FANCC: variants seen among roughly 807,000 people sequenced by gnomAD.
FANCC encodes Fanconi anemia group C protein.
Under a neutral mutation model 71.3 loss-of-function variants are expected in FANCC, and 55 were observed. The ratio of observed to expected loss-of-function variants is 0.77; its 90% CI spans 0.62 to 0.97. The LOEUF (loss-of-function observed/expected upper bound fraction) is 0.97. FANCC is among the 50% of genes least tolerant of loss of function. The pLI is 0.00. For synonymous variants in FANCC, 275 were observed against 244.9 expected, an observed-to-expected ratio of 1.12 and a Z score of -1.15; for missense variants, 678 against 670.9, an observed-to-expected ratio of 1.01 and a Z score of -0.12.
chr9:95,121,288 G>A (rs1325208220), intron 10 of FANCC, among the ~76,000 whole-genome samples: 1 of 152,132 alleles, frequency 6.6e-6, no homozygotes. Context: ...GTCTGATAGG[G>A]CATATTGATG....
At chr9:95,271,954 T>TTTTTG (rs1832759329) in intron 1 of FANCC, among the ~76,000 whole-genome samples, 1 of 136,198 alleles carries the variant, frequency 7.3e-6, no homozygotes, top group Non-Finnish European at 1.5e-5. Flanking sequence ...TTTTTTTTTT[T>TTTTTG]GAGATGGAGT....
In FANCC at chr9:95,114,599, T is replaced by C. The variant is rs762230656; in HGVS notation, c.1154+30A>G. The C allele has an allele frequency of 2.1e-5, 34 of 1,587,184 alleles. No homozygotes were observed. In the Middle Eastern group the frequency reaches 5.0e-4, roughly 23 times the overall value. ...GGATCTAGGGAAACCATGTGTGAAGTAGATTTGGGAGTGGTCAGTGTTTGC... is the reference window on the plus strand; with the variant it reads ...GGATCTAGGGAAACCATGTGTGAAGCAGATTTGGGAGTGGTCAGTGTTTGC... On this transcript the variant is annotated intron_variant, in intron 12 of 14. Coordinates refer to ENST00000289081, the MANE Select transcript of FANCC (RefSeq NM_000136.3).
chr9:95,104,659 A>C (rs1168179474), intron 14 of FANCC, among the ~76,000 whole-genome samples: 1 of 152,188 alleles, frequency 6.6e-6, no homozygotes, highest in Non-Finnish European at 1.5e-5. Context: ...GGATAACTGA[A>C]GCAGAGACCT....
rs1588004482 is a variant in FANCC at position 95,099,933 on chromosome 9, G to C, written c.*1774C>G. The C allele has an allele frequency of 4.3e-6, 1 of 232,600 alleles. No individual in the cohort carries two copies. The highest frequency in any genetic ancestry group is 6.1e-5 in the East Asian group (1 of 16,488). The allele number at this position is 232,600 out of a possible 1,614,324, so 14.4% of individuals were successfully genotyped here. Reference sequence around the variant, plus strand: ...GAGGAAGAGGCCAACCCTGTACACAGGACCACAGGACAGGGTGGAGGACTG... The same window carrying C: ...GAGGAAGAGGCCAACCCTGTACACACGACCACAGGACAGGGTGGAGGACTG... On this transcript the variant is annotated 3_prime_UTR_variant, in exon 15 of 15. Transcript: ENST00000289081.
rs1830758439 is a variant in FANCC at position 95,161,755 on chromosome 9, C to T, written c.521+9324G>A. Among the ~76,000 whole-genome samples, 3 of 152,138 alleles carry T rather than the reference C, an allele frequency of 2.0e-5. No individual in the cohort carries two copies. In the South Asian group the frequency reaches 6.2e-4, roughly 32 times the overall value. ...ACTTTCATATCTTGCAAAACCAAAA[C>T]TCTATACCCATTGAACAACAACTCC... On this transcript the variant is annotated intron_variant, in intron 6 of 14. Transcript: ENST00000289081.
At chr9:95,122,118 A>C (rs1401904269) in intron 10 of FANCC, among the ~76,000 whole-genome samples, 1 of 152,100 alleles carries the variant, frequency 6.6e-6, no homozygotes, top group African/African-American at 2.4e-5. Context: ...TCGACCTCCC[A>C]AAGTGCTGGG....
At chr9:95,116,274 A>C (rs1004668674) in intron 11 of FANCC, among the ~76,000 whole-genome samples, 1 of 152,184 alleles carries the variant, frequency 6.6e-6, no homozygotes, top group Non-Finnish European at 1.5e-5. Flanking sequence ...GGGAGAGTGA[A>C]TTCCTCATTT....
chr9:95,239,892 A>C (rs1830534138), intron 4 of FANCC, among the ~76,000 whole-genome samples: 2 of 152,236 alleles, frequency 1.3e-5, no homozygotes, highest in African/African-American at 4.8e-5. Flanking sequence ...TAAGCAGCTG[A>C]TCTGAACCAC....
chr9:95,308,960 A>G (rs1241525151), intron 1 of FANCC, among the ~76,000 whole-genome samples: 1 of 152,140 alleles, frequency 6.6e-6, no homozygotes, highest in Non-Finnish European at 1.5e-5. Flanking sequence ...ACGAGTTATG[A>G]TTGCACTACT....
intron 4 of FANCC, among the ~76,000 whole-genome samples, chr9:95,175,495 A>G (rs530605795): frequency 1.3e-5 from 2 of 152,312 alleles, no homozygotes; most frequent in African/African-American, 4.8e-5. Context: ...TGCCGCAAAT[A>G]CAGAAAGCAA....
At position 95,259,576 on chromosome 9, in the gene FANCC, A is replaced by G. The variant is rs1831894724; in HGVS notation, c.-78-10207T>C. Among the ~76,000 whole-genome samples the G allele has an allele frequency of 2.0e-5, 3 of 152,344 alleles. No homozygotes were observed. In the South Asian group the frequency reaches 6.2e-4, roughly 32 times the overall value. On this transcript the variant is annotated intron_variant, in intron 1 of 14. Transcript: ENST00000289081. Reference sequence around the variant, plus strand: ...TTAAAGACTTAAATGTAAGACCTAAAACCATAAAAACCCTGGAAGAAAACC... The same window carrying G: ...TTAAAGACTTAAATGTAAGACCTAAGACCATAAAAACCCTGGAAGAAAACC...
chr9:95,168,775 T>C (rs899587641), intron 6 of FANCC, among the ~76,000 whole-genome samples: 2 of 152,228 alleles, frequency 1.3e-5, no homozygotes, highest in African/African-American at 4.8e-5. Context: ...GTGATCTACC[T>C]ACTTCAGCCT....
chr9:95,228,140 T>C (rs1191317751), intron 4 of FANCC, among the ~76,000 whole-genome samples: 1 of 151,950 alleles, frequency 6.6e-6, no homozygotes, highest in East Asian at 1.9e-4. Flanking sequence ...TTGTACACAG[T>C]AGGCACTCAG....
chr9:95,292,570 C>T, intron 1 of FANCC: 2 of 1,469,394 alleles, frequency 1.4e-6, no homozygotes, highest in Admixed American at 1.7e-5. Flanking sequence ...CTGTCCCAGA[C>T]CACATGGCCC....
rs374892476 is a variant in FANCC at position 95,240,608 on chromosome 9, A to G, written c.345+41T>C. ...TTTAAGCAGCACTTTTAAATAATCA[A>G]TTTAATTCAAAGAAGTGCAGAGCAA... is the stretch of plus-strand genomic sequence containing the variant. On this transcript the variant is annotated intron_variant, in intron 4 of 14. Coordinates refer to ENST00000289081, the MANE Select transcript of FANCC (RefSeq NM_000136.3). 708 of 1,465,410 alleles carry G rather than the reference A, an allele frequency of 4.8e-4. 7 individuals are homozygous for G. The highest frequency in any genetic ancestry group is 5.2e-4 in the Middle Eastern group (3 of 5,758). 90.8% of individuals were successfully genotyped at this position (1,465,410 alleles called of 1,614,324 possible).
At chr9:95,307,595 C>T (rs1039961564) in intron 1 of FANCC, among the ~76,000 whole-genome samples, 5 of 152,122 alleles carry the variant, frequency 3.3e-5, no homozygotes, top group Admixed American at 1.3e-4. Flanking sequence ...CAGAATTATT[C>T]AAAACTTAAA....
At chr9:95,151,953 A>C (rs1830201357) in intron 6 of FANCC, among the ~76,000 whole-genome samples, 1 of 151,924 alleles carries the variant, frequency 6.6e-6, no homozygotes, top group Non-Finnish European at 1.5e-5. Context: ...AAAAACAAAA[A>C]ACAAAACAAA....
intron 4 of FANCC, among the ~76,000 whole-genome samples, chr9:95,187,928 C>T (rs932692959): frequency 1.6e-4 from 24 of 151,442 alleles, no homozygotes; most frequent in African/African-American, 5.8e-4. Flanking sequence ...TGGAGTCAGA[C>T]CCATTTAGGT....
In FANCC at chr9:95,292,960, T is replaced by C. The variant is rs1834144372; in HGVS notation, c.-79+24566A>G. ...AGTAGAAAAGCATTGCAGTCTCACA[T>C]CTACCGAACTGGCCACGAGATCCCT... On this transcript the variant is annotated intron_variant, in intron 1 of 14. Transcript: ENST00000289081. The C allele has an allele frequency of 1.9e-6, 3 of 1,578,950 alleles. No homozygotes were observed. In the Admixed American group the frequency reaches 5.0e-5, roughly 26 times the overall value.
Sources: gnomAD v4.1 joint callset for allele counts (sites outside exome capture counted in the v4.1 genomes callset) on GRCh38, gnomAD v4.1.1 for gene constraint, MANE v1.5 for transcripts, NCBI Gene and HGNC (gene_info 2026-07-23, HGNC 2026-07-21) for gene names.